KLHL29: variants seen among roughly 807,000 people sequenced by gnomAD.
KLHL29 encodes kelch like family member 29.
KLHL29 carries 21 observed loss-of-function variants against 80.4 expected under a neutral mutation model. The ratio of observed to expected loss-of-function variants is 0.26; its 90% CI spans 0.19 to 0.38. The LOEUF (loss-of-function observed/expected upper bound fraction) is 0.38, where lower values mean the gene tolerates loss of function less well. Among genes scored for constraint, KLHL29 ranks in the 10% least tolerant of loss-of-function variants. The pLI, the probability that KLHL29 is intolerant of heterozygous loss-of-function variation, is 1.00. For missense variants in KLHL29, 867 were observed against 1,223.9 expected (o/e 0.71, Z 4.35); for synonymous variants, 511 against 526.8 (o/e 0.97, Z 0.41).
intron 5 of KLHL29, among the ~76,000 whole-genome samples, chr2:23,652,783 A>G (rs1037155771): frequency 3.9e-5 from 6 of 152,224 alleles, no homozygotes; most frequent in African/African-American, 1.4e-4. Context: ...AATGAAGCGA[A>G]AAGAGAAAAA....
chr2:23,681,333 C>A lies in KLHL29; in HGVS notation c.941-3066C>A, dbSNP rs1671077635. 6.6e-6 allele frequency among the ~76,000 whole-genome samples: 1 copy of A among 152,230 alleles called. No homozygotes were observed. The highest frequency in any genetic ancestry group is 1.5e-5 in the Non-Finnish European group (1 of 68,042). ...AGTGAGATTCAGAGAGAGCAGAAAG[C>A]ACCTACATTAGGATGGGGACACCTG... On this transcript the variant is annotated intron_variant, in intron 5 of 13. Transcript: ENST00000486442. The surrounding 1 kb of genome is among the most constrained non-coding windows in gnomAD (Gnocchi z 4.2).
intron 3 of KLHL29, among the ~76,000 whole-genome samples, chr2:23,605,661 G>A (rs1668701916): frequency 6.6e-6 from 1 of 152,074 alleles, no homozygotes; most frequent in African/African-American, 2.4e-5. Flanking sequence ...TAGCCTCTAG[G>A]CCCAAAAGAA....
chr2:23,638,693 G>A (rs1351609353), intron 3 of KLHL29, among the ~76,000 whole-genome samples: 1 of 152,228 alleles, frequency 6.6e-6, no homozygotes, highest in Non-Finnish European at 1.5e-5. Flanking sequence ...ATGTCCAAGA[G>A]CCAGCTAGTG....
At chr2:23,567,538 G>A (rs1457229286) in intron 3 of KLHL29, among the ~76,000 whole-genome samples, 1 of 152,232 alleles carries the variant, frequency 6.6e-6, no homozygotes, top group Non-Finnish European at 1.5e-5. Context: ...TGTCATCATA[G>A]AGACAACGCT....
At chr2:23,524,818 C>T (rs1201508311) in intron 2 of KLHL29, among the ~76,000 whole-genome samples, 2 of 152,232 alleles carry the variant, frequency 1.3e-5, no homozygotes, top group Non-Finnish European at 2.9e-5. Context: ...AAACAAAAGC[C>T]TCCCAGGCTT....
chr2:23,461,557 T>G (rs1254854323), intron 1 of KLHL29, among the ~76,000 whole-genome samples: 1 of 152,246 alleles, frequency 6.6e-6, no homozygotes, highest in Non-Finnish European at 1.5e-5. Flanking sequence ...GAGAAACACT[T>G]GAGTGAATTG....
intron 2 of KLHL29, among the ~76,000 whole-genome samples, chr2:23,526,125 C>T (rs1348199626): frequency 6.6e-6 from 1 of 152,216 alleles, no homozygotes; most frequent in African/African-American, 2.4e-5. Context: ...GGGATCCCAT[C>T]GTGAGGAGTG....
At chr2:23,527,691 C>T (rs770131634) in intron 2 of KLHL29, among the ~76,000 whole-genome samples, 4 of 152,222 alleles carry the variant, frequency 2.6e-5, no homozygotes, top group Non-Finnish European at 5.9e-5. Flanking sequence ...CGAAATTGTC[C>T]AACAACCTCG....
At position 23,421,109 on chromosome 2, in the gene KLHL29, G is replaced by A. The variant is rs571349870; in HGVS notation, c.-154+35329G>A. The stretch of plus-strand genomic sequence containing the variant: ...GAGGCTCAGAAAGGCAGGGTGACTC[G>A]CTCAGTAGTGTAGACAAGGCTCCAG... On this transcript the variant is annotated intron_variant, in intron 1 of 13. Transcript: ENST00000486442. Among the ~76,000 whole-genome samples the A allele has an allele frequency of 5.9e-5, 9 of 152,308 alleles. No homozygotes were observed. The South Asian group carries it at 1.5e-3, about 25-fold the overall frequency.
intron 5 of KLHL29, among the ~76,000 whole-genome samples, chr2:23,655,406 C>T (rs886417227): frequency 5.3e-5 from 8 of 152,158 alleles, no homozygotes; most frequent in Non-Finnish European, 1.0e-4. Flanking sequence ...TTGAAATCTA[C>T]CACACAGCAG....
At chr2:23,636,450 A>G (rs1669611907) in intron 3 of KLHL29, among the ~76,000 whole-genome samples, 1 of 151,746 alleles carries the variant, frequency 6.6e-6, no homozygotes. Flanking sequence ...TTTCTTATAC[A>G]TAAGAAATTG....
chr2:23,580,790 A>G (rs1434255714), intron 3 of KLHL29, among the ~76,000 whole-genome samples: 1 of 83,796 alleles, frequency 1.2e-5, no homozygotes, highest in African/African-American at 3.6e-5. Context: ...CATCCTGGCC[A>G]ACATGGTGAA....
chr2:23,700,396 T>TGTTA lies in KLHL29; in HGVS notation c.2106-2789_2106-2786dup, dbSNP rs1672288280. ...CATCACTTCCTAATTTTTTACTACA[T>TGTTA]GTTACTACTCTCTTGGGCCTTGAGG... On this transcript the variant is annotated intron_variant, in intron 11 of 13. Transcript: ENST00000486442. The surrounding 1 kb of genome is among the most constrained non-coding windows in gnomAD (Gnocchi z 4.6). Among the ~76,000 whole-genome samples, 1 of 152,190 alleles carries TGTTA rather than the reference T, an allele frequency of 6.6e-6. No individual in the cohort carries two copies. Among genetic ancestry groups the TGTTA allele is most frequent in the East Asian group, 1.9e-4 (1 of 5,200 alleles).
intron 1 of KLHL29, among the ~76,000 whole-genome samples, chr2:23,397,786 A>G (rs1337548894): frequency 1.3e-5 from 2 of 152,232 alleles, no homozygotes; most frequent in African/African-American, 2.4e-5. Context: ...ACCTCCATTA[A>G]AAAATGGGCA....
intron 3 of KLHL29, among the ~76,000 whole-genome samples, chr2:23,595,238 A>G (rs1474467585): frequency 5.3e-5 from 8 of 152,126 alleles, no homozygotes; most frequent in South Asian, 2.1e-4. Context: ...GGAGAGGGGA[A>G]GGAACCCTTC....
At chr2:23,397,849 A>T (rs934877184) in intron 1 of KLHL29, among the ~76,000 whole-genome samples, 57 of 152,238 alleles carry the variant, frequency 3.7e-4, no homozygotes, top group Admixed American at 3.5e-3. Flanking sequence ...GCCAATAAGG[A>T]CACAAAAAGA....
chr2:23,645,797 C>CA (rs1669910943), intron 5 of KLHL29, among the ~76,000 whole-genome samples: 1 of 152,122 alleles, frequency 6.6e-6, no homozygotes, highest in African/African-American at 2.4e-5. Context: ...TCTGCCTTTC[C>CA]AAAAAGGGCG....
At chr2:23,649,327 C>T (rs943389541) in intron 5 of KLHL29, among the ~76,000 whole-genome samples, 2 of 152,244 alleles carry the variant, frequency 1.3e-5, no homozygotes, top group Admixed American at 6.5e-5. Flanking sequence ...TCGTCCTCGC[C>T]TGAGCTGTAC....
chr2:23,699,474 C>T (rs1407396820), intron 11 of KLHL29, among the ~76,000 whole-genome samples: 3 of 152,190 alleles, frequency 2.0e-5, no homozygotes, highest in African/African-American at 7.2e-5. Flanking sequence ...CACTGAGGAC[C>T]GATATTCCAG....
Sources: gnomAD v4.1 joint callset for allele counts (sites outside exome capture counted in the v4.1 genomes callset) on GRCh38, gnomAD v4.1.1 for gene constraint, Gnocchi (gnomAD v3.1) non-coding constraint, MANE v1.5 for transcripts, NCBI Gene and HGNC (gene_info 2026-07-23, HGNC 2026-07-21) for gene names.